The following CTTNBP2NL variants were observed in gnomAD, a reference collection of about 807,000 sequenced individuals.
The protein encoded by CTTNBP2NL is CTTNBP2 N-terminal-like protein.
A neutral mutation model predicts 32.5 loss-of-function variants in CTTNBP2NL; 16 were observed. The ratio of observed to expected loss-of-function variants is 0.49; its 90% CI spans 0.33 to 0.75. The LOEUF (loss-of-function observed/expected upper bound fraction) is 0.75. CTTNBP2NL is among the 30% of genes least tolerant of loss of function. The pLI is 0.02. For synonymous variants in CTTNBP2NL, 298 were observed against 289.4 expected (o/e 1.03, Z -0.30); for missense variants, 645 against 756.0 (o/e 0.85, Z 1.72).
At chr1:112,428,035 CA>C (rs1649454369) in intron 3 of CTTNBP2NL, among the ~76,000 whole-genome samples, 1 of 151,790 alleles carries the variant, frequency 6.6e-6, no homozygotes, top group Non-Finnish European at 1.5e-5. Flanking sequence ...GTTCCTAGGA[CA>C]AAATTAAATA....
At chr1:112,453,896 T>A (rs897764299) in intron 4 of CTTNBP2NL, among the ~76,000 whole-genome samples, 1 of 152,230 alleles carries the variant, frequency 6.6e-6, no homozygotes, top group Non-Finnish European at 1.5e-5. Flanking sequence ...CCTTTTTACA[T>A]GCAGTAGGAA....
At chr1:112,454,630 C>T in intron 5 of CTTNBP2NL, 74 bp downstream of exon 5, 3 of 1,094,472 alleles carry the variant, frequency 2.7e-6, no homozygotes, top group Non-Finnish European at 4.2e-6. Flanking sequence ...TGCAGGATGC[C>T]AACTGGTATT....
rs1356836965 is a variant in CTTNBP2NL, at chr1:112,457,383, G to A, written c.1891G>A (p.Val631Ile). The A allele has an allele frequency of 2.7e-5, 43 of 1,612,970 alleles. No individual in the cohort carries two copies. The highest frequency in any genetic ancestry group is 3.5e-5 in the Non-Finnish European group (41 of 1,179,296). ...SNTVVANGKDVELLLPTSS is the reference protein window; with the variant it reads ...SNTVVANGKDIELLLPTSS Reference sequence around the variant, plus strand: ...TACTGTTGTAGCAAATGGTAAGGATGTTGAGTTACTTTTGCCTACCAGCAG... The same window carrying A: ...TACTGTTGTAGCAAATGGTAAGGATATTGAGTTACTTTTGCCTACCAGCAG... The change falls in exon 6 of 6, where the codon GTT becomes ATT. Residue 631 changes from valine to isoleucine, a missense_variant. Physicochemically the swap from Val to Ile is conservative, Grantham distance 29 (BLOSUM62 3). Transcript: ENST00000271277.
chr1:112,413,658 T>A (rs1049416153), intron 2 of CTTNBP2NL, among the ~76,000 whole-genome samples: 1 of 151,182 alleles, frequency 6.6e-6, no homozygotes, highest in Non-Finnish European at 1.5e-5. Flanking sequence ...TGTTTAGTTT[T>A]GTTTTAGTTT....
intron 3 of CTTNBP2NL, among the ~76,000 whole-genome samples, chr1:112,443,136 G>A (rs1312485927): frequency 6.6e-6 from 1 of 152,192 alleles, no homozygotes; most frequent in Admixed American, 6.5e-5. Context: ...CTGTCCTTAT[G>A]TAAATAATTG....
chr1:112,426,660 G>A (rs1649411580), intron 3 of CTTNBP2NL, among the ~76,000 whole-genome samples: 1 of 145,134 alleles, frequency 6.9e-6, no homozygotes, highest in South Asian at 2.2e-4. Flanking sequence ...AGGTTGGAGT[G>A]CAGTGGCATG....
chr1:112,450,439 A>G (rs1305711373), intron 4 of CTTNBP2NL, among the ~76,000 whole-genome samples: 1 of 152,242 alleles, frequency 6.6e-6, no homozygotes, highest in Non-Finnish European at 1.5e-5. Context: ...AAACATTTAC[A>G]CTCCAATTTA....
At chr1:112,454,362 G>A in intron 4 of CTTNBP2NL, 87 bp from the exon 5 acceptor site, 1 of 922,706 alleles carries the variant, frequency 1.1e-6, no homozygotes, top group Non-Finnish European at 1.7e-6. Flanking sequence ...AACTATCTAA[G>A]GTGCCTGATT....
intron 1 of CTTNBP2NL, among the ~76,000 whole-genome samples, chr1:112,409,551 G>A (rs1430845119): frequency 6.6e-6 from 1 of 152,140 alleles, no homozygotes; most frequent in East Asian, 1.9e-4. Flanking sequence ...TCAGTTCTAT[G>A]TAGATATGCT....
chr1:112,423,204 A>G (rs574001365), intron 3 of CTTNBP2NL, among the ~76,000 whole-genome samples: 5 of 152,064 alleles, frequency 3.3e-5, no homozygotes, highest in Non-Finnish European at 5.9e-5. Context: ...ATCTGGATGC[A>G]AGTCCTTTAT....
chr1:112,451,255 A>G (rs1203207064), intron 4 of CTTNBP2NL, among the ~76,000 whole-genome samples: 1 of 150,888 alleles, frequency 6.6e-6, no homozygotes, highest in Non-Finnish European at 1.5e-5. Flanking sequence ...GTTATCTTAC[A>G]CCCCGCCTCC....
At chr1:112,448,082 A>G (rs146897170) in intron 3 of CTTNBP2NL, among the ~76,000 whole-genome samples, 1,666 of 152,266 alleles carry the variant, frequency 0.011, 43 homozygotes, top group African/African-American at 0.038. Flanking sequence ...TATACTCCCA[A>G]CTGGGTACCC....
intron 4 of CTTNBP2NL, among the ~76,000 whole-genome samples, chr1:112,449,682 C>A (rs1259640486): frequency 6.6e-6 from 1 of 151,714 alleles, no homozygotes; most frequent in African/African-American, 2.4e-5. Context: ...CATAAACAGT[C>A]CCTTGGTTTA....
chr1:112,401,554 G>A (rs1407743013), intron 1 of CTTNBP2NL, among the ~76,000 whole-genome samples: 3 of 152,122 alleles, frequency 2.0e-5, no homozygotes, highest in Admixed American at 1.3e-4. Flanking sequence ...GACTTTTAAT[G>A]GTAATTTTGA....
At chr1:112,422,981 A>T (rs1649274913) in intron 3 of CTTNBP2NL, among the ~76,000 whole-genome samples, 2 of 152,020 alleles carry the variant, frequency 1.3e-5, no homozygotes, top group South Asian at 4.2e-4. Context: ...TTTAGTAGAA[A>T]TGAGGTCTCA....
chr1:112,431,641 T>C (rs1219055249), intron 3 of CTTNBP2NL, among the ~76,000 whole-genome samples: 3 of 152,224 alleles, frequency 2.0e-5, no homozygotes, highest in African/African-American at 7.2e-5. Flanking sequence ...ACATAAATGT[T>C]CATCACTAAG....
chr1:112,456,940 C>T lies in CTTNBP2NL; in HGVS notation c.1448C>T (p.Pro483Leu), dbSNP rs1570749491. 4 of 1,614,138 alleles carry T rather than the reference C, an allele frequency of 2.5e-6. No individual in the cohort carries two copies. Among genetic ancestry groups the T allele is most frequent in the South Asian group, 1.1e-5 (1 of 91,082 alleles). The change falls in exon 6 of 6, where the codon CCA becomes CTA. Residue 483 changes from proline to leucine, a missense_variant. Physicochemically the swap from Pro to Leu is moderately conservative, Grantham distance 98 (BLOSUM62 -3). Coordinates refer to ENST00000271277, the MANE Select transcript of CTTNBP2NL (RefSeq NM_018704.3). ...DQQASGLQSP[P>L]SRDLSPTLID... ...CAAGCCAGTGGCCTACAGAGCCCTC[C>T]ATCCAGGGATTTATCCCCCACCCTC...
intron 3 of CTTNBP2NL, among the ~76,000 whole-genome samples, chr1:112,435,485 G>T (rs1649704227): frequency 3.3e-5 from 5 of 152,032 alleles, no homozygotes; most frequent in Admixed American, 2.0e-4. Flanking sequence ...TGTATTCAAG[G>T]CTCAAAATAG....
chr1:112,399,484 T>G (rs1648431608), intron 1 of CTTNBP2NL, among the ~76,000 whole-genome samples: 1 of 152,190 alleles, frequency 6.6e-6, no homozygotes, highest in African/African-American at 2.4e-5. Flanking sequence ...TAAGTGTAAT[T>G]ATACAGGCTG....
Sources: gnomAD v4.1 joint callset for allele counts (sites outside exome capture counted in the v4.1 genomes callset) on GRCh38, gnomAD v4.1.1 for gene constraint, MANE v1.5 for transcripts, NCBI Gene and HGNC (gene_info 2026-07-23, HGNC 2026-07-21) for gene names.